Variants in ACTA2 observed in about 807,000 individuals in gnomAD.
ACTA2 encodes actin alpha 2, smooth muscle.
Under a neutral mutation model 39.5 loss-of-function variants are expected in ACTA2, and 12 were observed. The ratio of observed to expected loss-of-function variants is 0.30; its 90% confidence interval spans 0.19 to 0.49. ACTA2 has a LOEUF of 0.49. Ranked by LOEUF, ACTA2 falls within the 20% of genes least tolerant of loss-of-function variation. ACTA2 has a pLI of 0.99. For synonymous variants in ACTA2, 158 were observed against 180.6 expected (o/e 0.88, Z 1.00); for missense variants, 236 against 498.8 (o/e 0.47, Z 5.02).
At position 88,948,619 on chromosome 10, in the gene ACTA2, CA is replaced by C. The variant is rs1317924886; in HGVS notation, c.129+182del. The C allele has an allele frequency of 6.7e-6, 5 of 745,820 alleles. No individual in the cohort carries two copies. The East Asian group carries it at 1.3e-4, about 20-fold the overall frequency. The allele number at this position is 745,820 out of a possible 1,614,324, so 46.2% of individuals were successfully genotyped here. A position where few individuals can be genotyped will look rare whatever the true frequency, so the allele number is the denominator to read the frequency against. On this transcript the variant is annotated intron_variant, in intron 2 of 8. Transcript: ENST00000224784. ...GACTTTGTATCTGATAGATGCCCAT[CA>C]GATAATCTGTCTACATTATATGTGA...
chr10:88,969,080 C>A (rs1268432951), intron 1 of ACTA2, among the ~76,000 whole-genome samples: 1 of 151,966 alleles, frequency 6.6e-6, no homozygotes, highest in Non-Finnish European at 1.5e-5. Context: ...TGTATTACAA[C>A]TTTGTGTTTT....
chr10:88,945,053 A>T (rs1230759276), intron 3 of ACTA2, among the ~76,000 whole-genome samples: 1 of 152,252 alleles, frequency 6.6e-6, no homozygotes, highest in Non-Finnish European at 1.5e-5. Flanking sequence ...GAGTGAAAGC[A>T]GCAGACTGCT....
intron 1 of ACTA2, chr10:88,989,412 A>G (rs199629461): frequency 2.0e-6 from 1 of 501,374 alleles, no homozygotes; most frequent in Non-Finnish European, 3.9e-6. Flanking sequence ...TGCAGAGATA[A>G]TACAGAGAAT....
intron 1 of ACTA2, among the ~76,000 whole-genome samples, chr10:88,978,538 C>T (rs566726351): frequency 5.0e-4 from 76 of 152,272 alleles, no homozygotes; most frequent in African/African-American, 1.8e-3. Flanking sequence ...CCTGCTCTGA[C>T]CTGTTGGAAA....
At chr10:88,987,595 G>A (rs1420137956) in intron 1 of ACTA2, among the ~76,000 whole-genome samples, 1 of 152,152 alleles carries the variant, frequency 6.6e-6, no homozygotes, top group Non-Finnish European at 1.5e-5. Flanking sequence ...CAAATCCAAT[G>A]AAAAAGAAAG....
chr10:88,976,049 C>A (rs1341089313), intron 1 of ACTA2, among the ~76,000 whole-genome samples: 2 of 152,130 alleles, frequency 1.3e-5, no homozygotes, highest in Non-Finnish European at 2.9e-5. Flanking sequence ...GATTAGGACC[C>A]AACCATACAT....
intron 1 of ACTA2, among the ~76,000 whole-genome samples, chr10:88,963,373 A>G (rs1413246384): frequency 6.6e-6 from 1 of 152,028 alleles, no homozygotes; most frequent in African/African-American, 2.4e-5. Flanking sequence ...AGTACTTATT[A>G]CATAGATAAT....
chr10:88,937,944 AC>A lies in ACTA2; in HGVS notation c.990+116del, dbSNP rs1260573545. The A allele has an allele frequency of 4.3e-6, 5 of 1,163,726 alleles. No individual in the cohort carries two copies. The African/African-American group carries it at 6.1e-5, about 14-fold the overall frequency. The allele number at this position is 1,163,726 out of a possible 1,614,324, so 72.1% of individuals were successfully genotyped here. ...AATATGAGATTTGTGTCCATTACCT[AC>A]CCCTAAAACCCACAATTGCATGTCA... is the stretch of plus-strand genomic sequence containing the variant. On this transcript the variant is annotated intron_variant, in intron 8 of 8. Coordinates refer to ENST00000224784, the MANE Select transcript of ACTA2 (RefSeq NM_001613.4).
At chr10:88,989,256 C>G (rs186907763) in intron 1 of ACTA2, among the ~76,000 whole-genome samples, 4 of 152,208 alleles carry the variant, frequency 2.6e-5, no homozygotes, top group Admixed American at 2.0e-4. Flanking sequence ...TTGTCCTTTC[C>G]CCTTTTTTTC....
chr10:88,941,484 TC>T, intron 5 of ACTA2, 94 bp from the exon 6 acceptor site: 1 of 1,500,116 alleles, frequency 6.7e-7, no homozygotes, highest in Non-Finnish European at 9.3e-7. Flanking sequence ...AGAGGGAATT[TC>T]CGAGCCTCTT....
upstream of ACTA2, among the ~76,000 whole-genome samples, chr10:88,955,468 G>A (rs543889267): frequency 1.3e-5 from 2 of 152,314 alleles, no homozygotes; most frequent in South Asian, 4.1e-4. Flanking sequence ...CCCCAGGAGA[G>A]TCACAAACAG....
At chr10:88,943,658 G>A (rs1449247363) in intron 4 of ACTA2, 139 bp downstream of exon 4, 1 of 745,774 alleles carries the variant, frequency 1.3e-6, no homozygotes, top group East Asian at 2.7e-5. Flanking sequence ...TGTCCTTTGG[G>A]ATCCCTGAGT....
chr10:88,990,657 G>C lies in ACTA2; in HGVS notation c.-24+282C>G, dbSNP rs904814296. On this transcript the variant is annotated intron_variant, in intron 1 of 4. Transcript: ENST00000415557. The surrounding 1 kb of genome is among the most constrained non-coding windows in gnomAD (Gnocchi z 4.9). ...TTCGTGAGCTCGTCTCTGATCTCGC[G>C]CAAGAGTGACACACAGGTGTTCAAA... 8.6e-6 allele frequency: 6 copies of C among 699,222 alleles called. No individual in the cohort carries two copies. The African/African-American group carries it at 8.8e-5, about 10-fold the overall frequency. The allele number at this position is 699,222 out of a possible 1,614,324, so 43.3% of individuals were successfully genotyped here.
At chr10:88,986,937 T>C (rs1446356552) in intron 1 of ACTA2, among the ~76,000 whole-genome samples, 1 of 152,228 alleles carries the variant, frequency 6.6e-6, no homozygotes, top group East Asian at 1.9e-4. Flanking sequence ...TACTAGGTGA[T>C]TTGCATATGT....
Position 88,935,164 on chromosome 10 carries a change from A to C in ACTA2, c.*59T>G. 6.2e-7 allele frequency: 1 copy of C among 1,604,754 alleles called. No individual in the cohort carries two copies. The highest frequency in any genetic ancestry group is 8.5e-7 in the Non-Finnish European group (1 of 1,173,878). The stretch of plus-strand genomic sequence containing the variant: ...AATGATTTGGAAAAGAACTGAAGGC[A>C]TAATTCCACAGGACATTCACAGTTG... On this transcript the variant is annotated 3_prime_UTR_variant, in exon 9 of 9. Coordinates refer to ENST00000224784, the MANE Select transcript of ACTA2 (RefSeq NM_001613.4).
chr10:88,950,147 G>C (rs150337849), intron 1 of ACTA2, among the ~76,000 whole-genome samples: 2 of 152,290 alleles, frequency 1.3e-5, no homozygotes, highest in East Asian at 3.9e-4. Flanking sequence ...CAGAGCTCCA[G>C]CCAGACATCA....
intron 1 of ACTA2, among the ~76,000 whole-genome samples, chr10:88,962,708 T>C (rs1181715282): frequency 6.6e-6 from 1 of 151,878 alleles, no homozygotes; most frequent in African/African-American, 2.4e-5. Context: ...TGATGTGGAA[T>C]AAACTTCATA....
At chr10:88,974,260 A>T (rs1466239847) in intron 1 of ACTA2, 3 of 152,188 alleles carry the variant, frequency 2.0e-5, no homozygotes, top group African/African-American at 7.2e-5. Context: ...GAAAAAAAAA[A>T]AAATCAGGCT....
At chr10:88,953,223 T>C (rs563778037), upstream of ACTA2, among the ~76,000 whole-genome samples, 2 of 152,290 alleles carry the variant, frequency 1.3e-5, no homozygotes, top group Admixed American at 1.3e-4. Context: ...CACGGTAGCA[T>C]GCAAAGAAGA....
Sources: gnomAD v4.1 joint callset for allele counts (sites outside exome capture counted in the v4.1 genomes callset) on GRCh38, gnomAD v4.1.1 for gene constraint, Gnocchi (gnomAD v3.1) non-coding constraint, MANE v1.5 for transcripts, NCBI Gene and HGNC (gene_info 2026-07-23, HGNC 2026-07-21) for gene names.